PAX7: variants seen among roughly 807,000 people sequenced by gnomAD.
The protein encoded by PAX7 is paired box 7.
PAX7 carries 18 observed loss-of-function variants against 50.7 expected under a neutral mutation model. The ratio of observed to expected loss-of-function variants is 0.36; its 90% CI spans 0.25 to 0.53. The LOEUF (loss-of-function observed/expected upper bound fraction) is 0.53, where lower values mean the gene tolerates loss of function less well. Ranked by LOEUF, PAX7 falls within the 20% of genes least tolerant of loss-of-function variation. The pLI, the probability that PAX7 is intolerant of heterozygous loss-of-function variation, is 0.93. For synonymous variants in PAX7, 310 were observed against 290.4 expected (o/e 1.07, Z -0.69); for missense variants, 644 against 702.9 (o/e 0.92, Z 0.95).
chr1:18,702,862 C>T (rs1435483216), intron 6 of PAX7, among the ~76,000 whole-genome samples: 3 of 152,176 alleles, frequency 2.0e-5, no homozygotes, highest in African/African-American at 7.2e-5. Context: ...GGCTGGTGTG[C>T]ACCTGTCTAG....
Position 18,636,433 on chromosome 1 carries a change from GC to G in PAX7, c.586+64del. 4 of 1,561,662 alleles carry G rather than the reference GC, an allele frequency of 2.6e-6. No individual in the cohort carries two copies. Among genetic ancestry groups the G allele is most frequent in the Non-Finnish European group, 2.6e-6 (3 of 1,150,734 alleles). On this transcript the variant is annotated intron_variant, in intron 4 of 8. Coordinates refer to ENST00000420770, the MANE Select transcript of PAX7 (RefSeq NM_001135254.2). The surrounding 1 kb of genome is among the most constrained non-coding windows in gnomAD (Gnocchi z 5.1). Reference sequence around the variant, plus strand: ...GGTTTTCCCACGCTCCGGTGTGCGGGCCAGTGGTTCGCTCCCGCCGCCGGAG... The same window carrying G: ...GGTTTTCCCACGCTCCGGTGTGCGGGCAGTGGTTCGCTCCCGCCGCCGGAG...
intron 4 of PAX7, among the ~76,000 whole-genome samples, chr1:18,659,681 A>G (rs1438808307): frequency 6.6e-6 from 1 of 152,020 alleles, no homozygotes; most frequent in Non-Finnish European, 1.5e-5. Context: ...AGAGGTGGGA[A>G]CCCTGCCTCT....
In PAX7 at chr1:18,748,648, C is replaced by T. The variant is rs1931548574; in HGVS notation, c.*3719C>T. 2 of 231,780 alleles carry T rather than the reference C, an allele frequency of 8.6e-6. No homozygotes were observed. Among genetic ancestry groups the T allele is most frequent in the Non-Finnish European group, 1.7e-5 (2 of 117,222 alleles). The allele number at this position is 231,780 out of a possible 1,614,324, so 14.4% of individuals were successfully genotyped here. On this transcript the variant is annotated 3_prime_UTR_variant, in exon 9 of 9. Coordinates refer to ENST00000420770, the MANE Select transcript of PAX7 (RefSeq NM_001135254.2). The stretch of plus-strand genomic sequence containing the variant: ...TGACTCACAGCCACTTTCCCCCATG[C>T]GGAAGTGAGTGGGTGTACGTGAGGG...
At position 18,745,755 on chromosome 1, in the gene PAX7, A is replaced by T. The variant is rs1366015530; in HGVS notation, c.*826A>T. On this transcript the variant is annotated 3_prime_UTR_variant, in exon 9 of 9. Transcript: ENST00000420770. ...CCCAAGTTCCCAGCATGTCCACTCC[A>T]TCTGGGGCCTGGGGAGCCCACAGAA... 8.6e-6 allele frequency: 2 copies of T among 231,596 alleles called. No homozygotes were observed. The highest frequency in any genetic ancestry group is 4.4e-5 in the African/African-American group (2 of 45,230). The allele number at this position is 231,596 out of a possible 1,614,324, so 14.3% of individuals were successfully genotyped here.
chr1:18,694,492 ATAAATAAATAAATAAATAT>A (rs1455607129), intron 5 of PAX7, among the ~76,000 whole-genome samples: 1 of 142,798 alleles, frequency 7.0e-6, no homozygotes, highest in Non-Finnish European at 1.6e-5. Context: ...AAATAAATAA[ATAAATAAATAAATAAATAT>A]AAAATAAAAT....
At chr1:18,639,315 G>C (rs961815660) in intron 4 of PAX7, among the ~76,000 whole-genome samples, 1 of 152,064 alleles carries the variant, frequency 6.6e-6, no homozygotes, top group Non-Finnish European at 1.5e-5. Context: ...AGATTAAATT[G>C]AGCTTTTATT....
chr1:18,672,350 A>C (rs1468500657), intron 4 of PAX7, among the ~76,000 whole-genome samples: 3 of 152,134 alleles, frequency 2.0e-5, no homozygotes, highest in Non-Finnish European at 4.4e-5. Flanking sequence ...TACAGAATAC[A>C]TAAGATTCTT....
At chr1:18,673,478 AG>A (rs1429885268) in intron 4 of PAX7, among the ~76,000 whole-genome samples, 1 of 152,166 alleles carries the variant, frequency 6.6e-6, no homozygotes, top group African/African-American at 2.4e-5. Context: ...ACCCCCTGCT[AG>A]TTTAATGTAA....
rs80130234 is a variant in PAX7, at chr1:18,733,757, G to A, written c.1156-1875G>A. 3.9e-3 allele frequency among the ~76,000 whole-genome samples: 587 copies of A among 152,294 alleles called. 8 individuals are homozygous for A. In the East Asian group the frequency reaches 0.042, roughly 11 times the overall value. On this transcript the variant is annotated intron_variant, in intron 7 of 8. Coordinates refer to ENST00000420770, the MANE Select transcript of PAX7 (RefSeq NM_001135254.2). ...AAACTACTGCTGGTCCTTGGAGTGA[G>A]ACCCTCTAAAGTGATCAGATGCCTC...
rs550060336 is a variant in PAX7, at chr1:18,632,655, A to T, written c.85+967A>T. On this transcript the variant is annotated intron_variant, in intron 1 of 8. Transcript: ENST00000420770. The surrounding 1 kb of genome is among the most constrained non-coding windows in gnomAD (Gnocchi z 6.3). ...GAAATATGTGCGACTTTTTTTTTTT[A>T]AATTACTCTTCCTGTGATCGTTTGA... is the stretch of plus-strand genomic sequence containing the variant. Among the ~76,000 whole-genome samples, 83 of 149,474 alleles carry T rather than the reference A, an allele frequency of 5.6e-4. No homozygotes were observed. Among genetic ancestry groups the T allele is most frequent in the South Asian group, 2.8e-3 (13 of 4,670 alleles).
In PAX7 at chr1:18,728,456, A is replaced by G. The variant is rs114757492; in HGVS notation, c.1156-7176A>G. Among the ~76,000 whole-genome samples the G allele has an allele frequency of 7.6e-3, 1,153 of 151,934 alleles. 15 individuals are homozygous for G. The highest frequency in any genetic ancestry group is 0.026 in the African/African-American group (1,093 of 41,368). On this transcript the variant is annotated intron_variant, in intron 7 of 8. Coordinates refer to ENST00000420770, the MANE Select transcript of PAX7 (RefSeq NM_001135254.2). The stretch of plus-strand genomic sequence containing the variant: ...GTGTGCATCCCATATCTTCGCCTGT[A>G]TGAGTATGGATGTGTCATGGTATTA...
chr1:18,681,976 G>A (rs1195165796), intron 4 of PAX7, among the ~76,000 whole-genome samples: 2 of 152,100 alleles, frequency 1.3e-5, no homozygotes, highest in African/African-American at 4.8e-5. Flanking sequence ...GACCTCAGAT[G>A]ATCCACCCAC....
chr1:18,697,963 G>A (rs1287097847), intron 5 of PAX7, among the ~76,000 whole-genome samples: 1 of 151,912 alleles, frequency 6.6e-6, no homozygotes, highest in Admixed American at 6.6e-5. Flanking sequence ...GAGAGGAGAA[G>A]GTGGGAATAA....
At chr1:18,657,714 G>A (rs762722305) in intron 4 of PAX7, among the ~76,000 whole-genome samples, 2 of 152,048 alleles carry the variant, frequency 1.3e-5, no homozygotes, top group Non-Finnish European at 2.9e-5. Context: ...CTGCAGTGGT[G>A]GTGTGTTCTT....
chr1:18,662,337 G>A (rs924317748), intron 4 of PAX7, among the ~76,000 whole-genome samples: 2 of 152,186 alleles, frequency 1.3e-5, no homozygotes, highest in Admixed American at 1.3e-4. Context: ...AATGCGCGGG[G>A]CAATGCTCAT....
chr1:18,741,552 C>T (rs1931136587), intron 8 of PAX7, among the ~76,000 whole-genome samples: 1 of 152,110 alleles, frequency 6.6e-6, no homozygotes, highest in African/African-American at 2.4e-5. Context: ...ATTCTATGCA[C>T]GTAGCAAAAC....
At chr1:18,715,035 A>G (rs1055592730) in intron 7 of PAX7, among the ~76,000 whole-genome samples, 1 of 152,210 alleles carries the variant, frequency 6.6e-6, no homozygotes, top group African/African-American at 2.4e-5. Context: ...ATGGTTGGGC[A>G]ATCGGGCCTG....
chr1:18,704,491 G>T (rs559543483), intron 7 of PAX7, among the ~76,000 whole-genome samples: 2 of 152,242 alleles, frequency 1.3e-5, no homozygotes, highest in South Asian at 2.1e-4. Context: ...ATGATGGCAG[G>T]TGCCTGTAAT....
At chr1:18,724,139 C>T (rs1041285045) in intron 7 of PAX7, among the ~76,000 whole-genome samples, 4 of 152,214 alleles carry the variant, frequency 2.6e-5, no homozygotes, top group Admixed American at 6.5e-5. Flanking sequence ...CGGGCTCACC[C>T]GGCTCCTCTG....
Sources: allele counts gnomAD v4.1 joint callset (sites outside exome capture counted in the v4.1 genomes callset), GRCh38; gene constraint gnomAD v4.1.1; non-coding constraint Gnocchi (gnomAD v3.1); transcripts MANE v1.5; gene names NCBI Gene and HGNC (gene_info 2026-07-23, HGNC 2026-07-21).